UBL7: variants seen among roughly 807,000 people sequenced by gnomAD.
UBL7 encodes the protein ubiquitin like 7.
In UBL7, 21 loss-of-function variants were observed where a neutral mutation model predicts 41.7. The observed-to-expected ratio is 0.50, with a 90% CI of 0.36 to 0.73. The LOEUF (loss-of-function observed/expected upper bound fraction) is 0.73. Among genes scored for constraint, UBL7 ranks in the 30% least tolerant of loss-of-function variants. The pLI, the probability that UBL7 is intolerant of heterozygous loss-of-function variation, is 0.00. For missense variants in UBL7, 403 were observed against 478.4 expected, an observed-to-expected ratio of 0.84 and a Z score of 1.47; for synonymous variants, 157 against 186.9, an observed-to-expected ratio of 0.84 and a Z score of 1.31.
intron 6 of UBL7, among the ~76,000 whole-genome samples, chr15:74,450,555 C>G (rs373163122): frequency 9.2e-5 from 14 of 152,214 alleles, no homozygotes; most frequent in African/African-American, 3.4e-4. Flanking sequence ...CTAATTTCTA[C>G]CACACGAAAC....
chr15:74,456,734 C>T (rs2061298841), intron 2 of UBL7, 63 bp from the exon 3 acceptor site: 18 of 1,559,710 alleles, frequency 1.2e-5, no homozygotes, highest in African/African-American at 5.5e-5. Flanking sequence ...GTTTTTGTCC[C>T]GAGAACCTTA....
chr15:74,459,001 A>T (rs867014739), intron 1 of UBL7, 105 bp from the exon 2 acceptor site: 3 of 1,117,846 alleles, frequency 2.7e-6, no homozygotes, highest in Non-Finnish European at 3.9e-6. Flanking sequence ...GACACTGTTG[A>T]AGAGGCATAG....
intron 6 of UBL7, 70 bp downstream of exon 6, chr15:74,450,732 G>A: frequency 1.3e-6 from 2 of 1,549,438 alleles, no homozygotes; most frequent in Non-Finnish European, 1.8e-6. Flanking sequence ...AGACTGCAGG[G>A]TGACAATTAG....
Position 74,448,599 on chromosome 15 carries a change from C to A in UBL7, c.884G>T (p.Gly295Val). Residue 295 changes from glycine (G) to valine (V), a missense_variant and splice_region_variant, in exon 10 of 11, where the codon GGT (glycine) becomes GTT (valine). Coordinates refer to ENST00000395081, the MANE Select transcript of UBL7 (RefSeq NM_032907.5). ...CATTGGTGAGGTCCCTGAGGAATGA[C>A]CCTAGAGACAAATTAGTGGTCAGTG... ...SSHTPTPGTQ[G>V]HSSGTSPMSS... 6.2e-7 allele frequency: 1 copy of A among 1,613,850 alleles called. No homozygotes were observed. Among genetic ancestry groups the A allele is most frequent in the Non-Finnish European group, 8.5e-7 (1 of 1,179,838 alleles).
At chr15:74,447,361 C>G (rs139998030) in intron 10 of UBL7, among the ~76,000 whole-genome samples, 3 of 152,294 alleles carry the variant, frequency 2.0e-5, no homozygotes, top group African/African-American at 7.2e-5. Context: ...ACAATGCTGG[C>G]CCCTCAGGTA....
At position 74,456,661 on chromosome 15, in the gene UBL7, G is replaced by A. The variant is rs1383683439; in HGVS notation, c.195C>T (p.Tyr65=). ...VPDPELIDLI[Y]CGRKLKDDQT... ...GGTCATCTTTTAGCTTCCGACCACA[G>A]TAGATCAGATCTAAAAAAAGAACTG... Residue 65 remains tyrosine, a synonymous_variant, in exon 3 of 11, where the codon TAC becomes TAT. Coordinates refer to ENST00000395081, the MANE Select transcript of UBL7 (RefSeq NM_032907.5). 1.2e-6 allele frequency: 2 copies of A among 1,613,544 alleles called. No homozygotes were observed. Among genetic ancestry groups the A allele is most frequent in the Non-Finnish European group, 1.7e-6 (2 of 1,179,718 alleles).
At chr15:74,453,877 T>C (rs983946399) in intron 3 of UBL7, among the ~76,000 whole-genome samples, 5 of 152,246 alleles carry the variant, frequency 3.3e-5, no homozygotes, top group Non-Finnish European at 7.3e-5. Context: ...AAAAGTTTAT[T>C]GTAACCTTCC....
intron 9 of UBL7, 101 bp from the exon 10 acceptor site, chr15:74,448,701 C>G (rs2061210056): frequency 6.7e-7 from 1 of 1,486,432 alleles, no homozygotes; most frequent in Non-Finnish European, 9.1e-7. Context: ...CTGAGGTACC[C>G]AACTTCTGCC....
At chr15:74,452,517 G>A (rs1283068086) in intron 3 of UBL7, 139 bp from the exon 4 acceptor site, 6 of 806,796 alleles carry the variant, frequency 7.4e-6, no homozygotes, top group Non-Finnish European at 9.8e-6. Flanking sequence ...AAGAATGTGA[G>A]TGCCTGCTCA....
intron 3 of UBL7, among the ~76,000 whole-genome samples, chr15:74,456,147 A>T (rs1438138292): frequency 6.6e-6 from 1 of 150,968 alleles, no homozygotes; most frequent in Admixed American, 6.6e-5. Context: ...AAAAAAAAAA[A>T]ATTAGCTGGG....
chr15:74,455,087 CTGTGAGTGCCAGGCCAACCTCTGGA>C (rs2061282553), intron 3 of UBL7, among the ~76,000 whole-genome samples: 1 of 152,226 alleles, frequency 6.6e-6, no homozygotes, highest in South Asian at 2.1e-4. Context: ...CAGGGCCTGG[CTGTGAGTGCCAGGCCAACCTCTGGA>C]TGTCAGGAAC....
chr15:74,449,701 G>C, intron 7 of UBL7, 26 bp from the exon 8 acceptor site: 5 of 1,614,006 alleles, frequency 3.1e-6, no homozygotes, highest in Non-Finnish European at 3.4e-6. Context: ...CAGATTTCAG[G>C]AGGAAGAACA....
intron 2 of UBL7, 83 bp from the exon 3 acceptor site, chr15:74,456,754 G>C: frequency 7.0e-7 from 1 of 1,437,912 alleles, no homozygotes; most frequent in Non-Finnish European, 9.6e-7. Context: ...ATTTTGATTA[G>C]ATAGCTGGAG....
intron 3 of UBL7, among the ~76,000 whole-genome samples, chr15:74,454,054 T>C (rs1159235276): frequency 6.6e-6 from 1 of 152,198 alleles, no homozygotes; most frequent in Non-Finnish European, 1.5e-5. Context: ...CCAGTGGAAA[T>C]GGTTTTCCTC....
Position 74,461,121 on chromosome 15 carries a change from G to A in UBL7, c.-114C>T, listed in dbSNP as rs557204999. The A allele has an allele frequency of 4.0e-5, 40 of 997,500 alleles. No homozygotes were observed. The highest frequency in any genetic ancestry group is 5.7e-5 in the Admixed American group (1 of 17,562). 61.8% of individuals were successfully genotyped at this position (997,500 alleles called of 1,614,324 possible). A position where few individuals can be genotyped will look rare whatever the true frequency, so the allele number is the denominator to read the frequency against. ...CAGCGCCCTCACCCGTCCCGCGGAA[G>A]GAACCCGGCCGCACTGCCGCCGGTG... is the stretch of plus-strand genomic sequence containing the variant. On this transcript the variant is annotated 5_prime_UTR_variant, in exon 1 of 11. Coordinates refer to ENST00000395081, the MANE Select transcript of UBL7 (RefSeq NM_032907.5).
In UBL7 at chr15:74,446,249, C is replaced by A. The variant is rs369484798; in HGVS notation, c.1006-22G>T. 14 of 1,613,232 alleles carry A rather than the reference C, an allele frequency of 8.7e-6. No homozygotes were observed. The African/African-American group carries it at 1.7e-4, about 20-fold the overall frequency. On this transcript the variant is annotated intron_variant, in intron 10 of 10. Coordinates refer to ENST00000395081, the MANE Select transcript of UBL7 (RefSeq NM_032907.5). The surrounding 1 kb of genome is among the most constrained non-coding windows in gnomAD (Gnocchi z 4.1). ...GGCTCTGTGGAAAGATAGGAATGGG[C>A]AGAAGCTGTTAGCTGGGATCCAGTG...
intron 4 of UBL7, 79 bp downstream of exon 4, chr15:74,452,217 C>A: frequency 6.9e-7 from 1 of 1,454,958 alleles, no homozygotes; most frequent in Non-Finnish European, 9.3e-7. Context: ...GGGCTTCCAG[C>A]TCCCACTCCA....
intron 3 of UBL7, among the ~76,000 whole-genome samples, chr15:74,452,937 C>A (rs1268298020): frequency 6.6e-6 from 1 of 152,158 alleles, no homozygotes; most frequent in Non-Finnish European, 1.5e-5. Context: ...GTCTCAAACT[C>A]CTGACCTCAA....
At chr15:74,450,153 A>G in intron 6 of UBL7, 84 bp from the exon 7 acceptor site, 2 of 1,445,322 alleles carry the variant, frequency 1.4e-6, no homozygotes, top group Non-Finnish European at 1.8e-6. Context: ...GCCCCCTCAC[A>G]ACAATGCAGC....
Sources: allele counts gnomAD v4.1 joint callset (sites outside exome capture counted in the v4.1 genomes callset), GRCh38; gene constraint gnomAD v4.1.1; non-coding constraint Gnocchi (gnomAD v3.1); transcripts MANE v1.5; gene names NCBI Gene and HGNC (gene_info 2026-07-23, HGNC 2026-07-21).